The following SDCCAG8 variants were observed in gnomAD, a reference collection of about 807,000 sequenced individuals.
SDCCAG8 encodes the protein serologically defined colon cancer antigen 8.
A neutral mutation model predicts 101.8 loss-of-function variants in SDCCAG8; 74 were observed. The observed-to-expected ratio is 0.73, with a 90% CI of 0.60 to 0.88. The LOEUF is 0.88. Ranked by LOEUF, SDCCAG8 falls within the 40% of genes least tolerant of loss-of-function variation. SDCCAG8 has a pLI of 0.00. For missense variants in SDCCAG8, 787 were observed against 822.6 expected, an observed-to-expected ratio of 0.96 and a Z score of 0.53; for synonymous variants, 281 against 292.9, an observed-to-expected ratio of 0.96 and a Z score of 0.41.
chr1:243,327,100 C>T (rs1394790123), intron 9 of SDCCAG8, among the ~76,000 whole-genome samples: 1 of 151,944 alleles, frequency 6.6e-6, no homozygotes, highest in Admixed American at 6.6e-5. Flanking sequence ...AGACCTACAG[C>T]CATTTCCACC....
At position 243,344,227 on chromosome 1, in the gene SDCCAG8, A is replaced by T; in HGVS notation, c.1369A>T (p.Met457Leu). 2 of 1,613,944 alleles carry T rather than the reference A, an allele frequency of 1.2e-6. No homozygotes were observed. Among genetic ancestry groups the T allele is most frequent in the Non-Finnish European group, 1.7e-6 (2 of 1,179,822 alleles). Reference sequence around the variant, plus strand: ...TACAATCTAACAGGTGTGTGGAGAAATGCGCTATCAGCTGAATAAAACCAA... The same window carrying T: ...TACAATCTAACAGGTGTGTGGAGAATTGCGCTATCAGCTGAATAAAACCAA... ...EMDVTKVCGE[M>L]RYQLNKTNME... is the part of the protein sequence containing the mutation. The change falls in exon 12 of 18, where the codon ATG (methionine) becomes TTG (leucine). Residue 457 changes from methionine to leucine, a missense_variant. Transcript: ENST00000366541.
At chr1:243,439,622 T>TCTCACACACACACACA (rs541157518) in intron 16 of SDCCAG8, among the ~76,000 whole-genome samples, 18 of 120,200 alleles carry the variant, frequency 1.5e-4, no homozygotes, top group African/African-American at 5.0e-4. Context: ...TGAGACTCCA[T>TCTCACACACACACACA]CACACACACA....
chr1:243,471,154 T>C (rs1012175567), intron 16 of SDCCAG8, among the ~76,000 whole-genome samples: 2 of 151,992 alleles, frequency 1.3e-5, no homozygotes, highest in African/African-American at 4.8e-5. Context: ...TAAGGAAAGA[T>C]GGTTGGAGCG....
In SDCCAG8 at chr1:243,286,657, A is replaced by G. The variant is rs759961252; in HGVS notation, c.546+260A>G. Among the ~76,000 whole-genome samples, 98 of 152,208 alleles carry G rather than the reference A, an allele frequency of 6.4e-4. 1 individual carries two copies. The highest frequency in any genetic ancestry group is 1.0e-4 in the Non-Finnish European group (7 of 68,028). ...ACCATATGGAAAGAGCCGGTCTGAA[A>G]GCAGGAAGTGTGTTATACAGGAAGG... On this transcript the variant is annotated intron_variant, in intron 5 of 17. Transcript: ENST00000366541.
At chr1:243,300,305 C>T (rs1249205670) in intron 6 of SDCCAG8, among the ~76,000 whole-genome samples, 3 of 152,118 alleles carry the variant, frequency 2.0e-5, no homozygotes, top group Non-Finnish European at 4.4e-5. Flanking sequence ...TCTATTCTGT[C>T]ATAAAATTCT....
chr1:243,317,662 A>G (rs1331174006), intron 9 of SDCCAG8, among the ~76,000 whole-genome samples: 1 of 152,214 alleles, frequency 6.6e-6, no homozygotes, highest in Admixed American at 6.5e-5. Context: ...AAGGTAACTC[A>G]AACATACTTA....
chr1:243,308,238 G>A, intron 8 of SDCCAG8, 61 bp downstream of exon 8: 2 of 1,518,316 alleles, frequency 1.3e-6, no homozygotes, highest in South Asian at 1.1e-5. Flanking sequence ...CCTTTAAAGG[G>A]GCATTGTGTT....
At chr1:243,306,191 GT>G (rs1483073340) in intron 7 of SDCCAG8, 1 of 151,092 alleles carries the variant, frequency 6.6e-6, no homozygotes, top group Non-Finnish European at 1.5e-5. Flanking sequence ...ACCCTGATTA[GT>G]TTTAGGATTT....
intron 13 of SDCCAG8, among the ~76,000 whole-genome samples, chr1:243,393,499 G>C (rs1044024358): frequency 7.2e-6 from 1 of 139,566 alleles, no homozygotes; most frequent in African/African-American, 2.6e-5. Context: ...CTGAAACTTT[G>C]TTCAAAAAGG....
chr1:243,281,962 T>C (rs752797607), intron 4 of SDCCAG8, among the ~76,000 whole-genome samples: 1 of 152,126 alleles, frequency 6.6e-6, no homozygotes, highest in African/African-American at 2.4e-5. Context: ...GTGGCTTTGA[T>C]TGAGCATTTT....
chr1:243,463,341 A>G (rs996012305), intron 16 of SDCCAG8, among the ~76,000 whole-genome samples: 2 of 152,262 alleles, frequency 1.3e-5, no homozygotes, highest in Non-Finnish European at 2.9e-5. Flanking sequence ...TGCAGAGGAG[A>G]ATAAGGCCCT....
chr1:243,397,272 T>C (rs1437727394), intron 13 of SDCCAG8, among the ~76,000 whole-genome samples: 1 of 152,210 alleles, frequency 6.6e-6, no homozygotes, highest in African/African-American at 2.4e-5. Flanking sequence ...ATGGTAGTAA[T>C]TTGTGAGTTT....
In SDCCAG8 at chr1:243,351,979, G is replaced by A. The variant is rs533235618; in HGVS notation, c.1473+7648G>A. Among the ~76,000 whole-genome samples, 18 of 152,294 alleles carry A rather than the reference G, an allele frequency of 1.2e-4. No individual in the cohort carries two copies. In the South Asian group the frequency reaches 3.7e-3, roughly 32 times the overall value. On this transcript the variant is annotated intron_variant, in intron 12 of 17. Transcript: ENST00000366541. ...GGGGCATTTAGCATTTAGTCACGTTGTTAATGATTTAGGCAGTTGTTTTCT... is the reference window on the plus strand; with the variant it reads ...GGGGCATTTAGCATTTAGTCACGTTATTAATGATTTAGGCAGTTGTTTTCT...
At chr1:243,359,029 TG>T (rs1381127033) in intron 12 of SDCCAG8, among the ~76,000 whole-genome samples, 1 of 152,188 alleles carries the variant, frequency 6.6e-6, no homozygotes, top group African/African-American at 2.4e-5. Flanking sequence ...AAATCGGTTG[TG>T]GTAATAGTTG....
At chr1:243,320,914 A>G (rs2073705339) in intron 9 of SDCCAG8, among the ~76,000 whole-genome samples, 1 of 152,162 alleles carries the variant, frequency 6.6e-6, no homozygotes, top group African/African-American at 2.4e-5. Context: ...ATCTTAGCCT[A>G]CATGGTACTC....
In SDCCAG8 at chr1:243,418,024, G is replaced by GA. The variant is rs1372163110; in HGVS notation, c.1803dup (p.Glu602ArgfsTer19). ...GAATACATTTTTGACAAAGTTAAAGGAAGAATGCTGTACATTAGCCAAGAA... is the reference window on the plus strand; with the variant it reads ...GAATACATTTTTGACAAAGTTAAAGGAAAGAATGCTGTACATTAGCCAAGAA... On this transcript the variant is annotated frameshift_variant, in exon 15 of 18. Transcript: ENST00000366541. LOFTEE classifies it high-confidence loss of function. 1 of 1,613,124 alleles carries GA rather than the reference G, an allele frequency of 6.2e-7. No homozygotes were observed. Among genetic ancestry groups the GA allele is most frequent in the Non-Finnish European group, 8.5e-7 (1 of 1,179,364 alleles).
chr1:243,395,143 C>T (rs987795250), intron 13 of SDCCAG8, among the ~76,000 whole-genome samples: 1 of 152,046 alleles, frequency 6.6e-6, no homozygotes, highest in South Asian at 2.1e-4. Flanking sequence ...TGTTTATGTT[C>T]GTATCATACA....
chr1:243,361,403 T>C (rs1022478573), intron 12 of SDCCAG8, among the ~76,000 whole-genome samples: 19 of 152,266 alleles, frequency 1.2e-4, no homozygotes, highest in Non-Finnish European at 4.4e-5. Context: ...CATAAAGTTA[T>C]GCCCTCTTTA....
At chr1:243,294,506 C>T (rs12728648) in intron 6 of SDCCAG8, among the ~76,000 whole-genome samples, 13 of 105,878 alleles carry the variant, frequency 1.2e-4, no homozygotes, top group African/African-American at 4.2e-4. Flanking sequence ...AGAGAAAGAG[C>T]GAGAGAGAGA....
Sources: allele counts gnomAD v4.1 joint callset (sites outside exome capture counted in the v4.1 genomes callset), GRCh38; gene constraint gnomAD v4.1.1; transcripts MANE v1.5; gene names NCBI Gene and HGNC (gene_info 2026-07-23, HGNC 2026-07-21).